Variants in MAD1L1 observed in about 807,000 individuals in gnomAD.
The protein encoded by MAD1L1 is mitotic spindle assembly checkpoint protein MAD1.
Under a neutral mutation model 96.9 loss-of-function variants are expected in MAD1L1, and 95 were observed. The observed-to-expected ratio is 0.98, with a 90% CI of 0.83 to 1.16. The LOEUF (loss-of-function observed/expected upper bound fraction) is 1.16, where lower values mean the gene tolerates loss of function less well. MAD1L1 is among the 50% of genes most tolerant of loss of function. The pLI is 0.00. For missense variants in MAD1L1, 1,007 were observed against 954.4 expected (o/e 1.06, Z -0.73); for synonymous variants, 473 against 396.6 (o/e 1.19, Z -2.29).
intron 11 of MAD1L1, among the ~76,000 whole-genome samples, chr7:2,102,622 C>T (rs1786869142): frequency 6.6e-6 from 1 of 152,072 alleles, no homozygotes; most frequent in Admixed American, 6.5e-5. Context: ...ACGGTCTCCA[C>T]CACCCTCGCA....
At chr7:1,942,993 T>G (rs1468858289) in intron 16 of MAD1L1, among the ~76,000 whole-genome samples, 6 of 152,288 alleles carry the variant, frequency 3.9e-5, no homozygotes, top group African/African-American at 1.4e-4. Flanking sequence ...TGTTAAGTGA[T>G]TCTGAGAAAG....
intron 11 of MAD1L1, among the ~76,000 whole-genome samples, chr7:2,083,176 T>C (rs1181150942): frequency 6.6e-6 from 1 of 151,990 alleles, no homozygotes; most frequent in African/African-American, 2.4e-5. Context: ...AAGGAGAAAA[T>C]GAGATTTTCG....
chr7:2,005,152 C>T (rs1173779162), intron 13 of MAD1L1, among the ~76,000 whole-genome samples: 3 of 152,158 alleles, frequency 2.0e-5, no homozygotes, highest in Non-Finnish European at 4.4e-5. Context: ...CAGACATCGA[C>T]GAGCTGAGTG....
chr7:1,874,884 G>C (rs1785299602), intron 18 of MAD1L1, among the ~76,000 whole-genome samples: 1 of 152,120 alleles, frequency 6.6e-6, no homozygotes, highest in Admixed American at 6.5e-5. Context: ...GCAGCATGGA[G>C]ACCGGCCACA....
Position 1,957,710 on chromosome 7 carries a change from G to C in MAD1L1, c.1515C>G (p.Val505=), listed in dbSNP as rs747221108. The C allele has an allele frequency of 7.7e-5, 125 of 1,613,970 alleles. No homozygotes were observed. The highest frequency in any genetic ancestry group is 2.3e-4 in the African/African-American group (17 of 74,918). Residue 505 remains valine (V), a synonymous_variant, in exon 16 of 19, where the codon GTC becomes GTG. Transcript: ENST00000265854. ...REEADTLRLK[V]EELEGERSRL... ...GACTCCGCTCGCCTTCCAGCTCCTC[G>C]ACCTTCAACCTGCAAGGACAGCAAG... is the stretch of plus-strand genomic sequence containing the variant.
chr7:2,205,337 T>G (rs1218010286), intron 10 of MAD1L1, among the ~76,000 whole-genome samples: 1 of 152,138 alleles, frequency 6.6e-6, no homozygotes, highest in Non-Finnish European at 1.5e-5. Context: ...CCAGACGTTG[T>G]CAGATTCGGA....
intron 18 of MAD1L1, among the ~76,000 whole-genome samples, chr7:1,881,225 G>T (rs139375639): frequency 6.6e-6 from 1 of 152,082 alleles, no homozygotes. Context: ...CTCAAATATG[G>T]GTTTAAATGG....
intron 13 of MAD1L1, among the ~76,000 whole-genome samples, chr7:2,010,523 T>C (rs1782249760): frequency 6.6e-6 from 1 of 152,206 alleles, no homozygotes; most frequent in African/African-American, 2.4e-5. Context: ...AGAGGACTCC[T>C]GACACATGCT....
At chr7:2,158,136 G>C (rs1789929261) in intron 10 of MAD1L1, among the ~76,000 whole-genome samples, 1 of 152,242 alleles carries the variant, frequency 6.6e-6, no homozygotes, top group South Asian at 2.1e-4. Flanking sequence ...TCAAGGGGAA[G>C]AAAGTCTTTT....
chr7:2,182,773 G>A (rs958139990), intron 10 of MAD1L1, among the ~76,000 whole-genome samples: 1 of 152,206 alleles, frequency 6.6e-6, no homozygotes. Context: ...GAGACAAAGA[G>A]CAGAGGAGTG....
In MAD1L1 at chr7:2,088,211, A is replaced by G. The variant is rs1019125105; in HGVS notation, c.1074-18873T>C. Among the ~76,000 whole-genome samples the G allele has an allele frequency of 6.6e-6, 1 of 152,150 alleles. No homozygotes were observed. The highest frequency in any genetic ancestry group is 1.5e-5 in the Non-Finnish European group (1 of 68,028). Reference sequence around the variant, plus strand: ...GCAGCAAAGCGACCTTGGATCACACATCGCGCCTCTTCACGCCTCCTCACA... The same window carrying G: ...GCAGCAAAGCGACCTTGGATCACACGTCGCGCCTCTTCACGCCTCCTCACA... On this transcript the variant is annotated intron_variant, in intron 11 of 18. Transcript: ENST00000265854. This position sits in a 1 kb window ranked among gnomAD's most constrained non-coding sequence, Gnocchi z 4.4.
chr7:1,902,860 G>T (rs1001183247), intron 17 of MAD1L1, among the ~76,000 whole-genome samples: 6 of 149,786 alleles, frequency 4.0e-5, no homozygotes, highest in African/African-American at 1.5e-4. Context: ...CGCTCTTGCG[G>T]AACTCATGAT....
chr7:1,818,592 A>AGGCTGGTCTCAAACTCCTGGCCT (rs57886960), intron 18 of MAD1L1, among the ~76,000 whole-genome samples: 15 of 151,572 alleles, frequency 9.9e-5, no homozygotes, highest in African/African-American at 3.1e-4. Context: ...TATTTTGCCC[A>AGGCTGGTCTCAAACTCCTGGCCT]GGCTGGTCTC....
chr7:2,051,523 G>A (rs774933082), intron 12 of MAD1L1, among the ~76,000 whole-genome samples: 2 of 152,110 alleles, frequency 1.3e-5, no homozygotes, highest in African/African-American at 4.8e-5. Context: ...GTTTCAACGT[G>A]GTATGTTAGA....
intron 18 of MAD1L1, among the ~76,000 whole-genome samples, chr7:1,824,400 A>G (rs1363653193): frequency 6.6e-6 from 1 of 152,188 alleles, no homozygotes; most frequent in African/African-American, 2.4e-5. Context: ...AGACTAACGA[A>G]GTCAGGTGCG....
intron 11 of MAD1L1, among the ~76,000 whole-genome samples, chr7:2,082,610 G>C (rs190384178): frequency 5.6e-4 from 86 of 152,336 alleles, no homozygotes; most frequent in Non-Finnish European, 9.4e-4. Context: ...TGAGGAGATT[G>C]AGCTCTGAGG....
rs1222426949 is a variant in MAD1L1 at position 1,870,672 on chromosome 7, C to T, written c.1998+27528G>A. On this transcript the variant is annotated intron_variant, in intron 18 of 18. Coordinates refer to ENST00000265854, the MANE Select transcript of MAD1L1 (RefSeq NM_001013836.2). ...CATATGCCTGCCACGCTGAACCCACCGTAACACCTGCCACACTGAACCCAA... is the reference window on the plus strand; with the variant it reads ...CATATGCCTGCCACGCTGAACCCACTGTAACACCTGCCACACTGAACCCAA... Among the ~76,000 whole-genome samples the T allele has an allele frequency of 1.6e-3, 219 of 137,830 alleles. 2 individuals are homozygous for T. Among genetic ancestry groups the T allele is most frequent in the Middle Eastern group, 9.2e-3 (2 of 218 alleles). The allele number at this position is 137,830 out of a possible 152,430, so 90.4% of individuals were successfully genotyped here. A position where few individuals can be genotyped will look rare whatever the true frequency, so the allele number is the denominator to read the frequency against.
chr7:1,881,702 C>T (rs921691305), intron 18 of MAD1L1, among the ~76,000 whole-genome samples: 2 of 152,160 alleles, frequency 1.3e-5, no homozygotes, highest in African/African-American at 2.4e-5. Context: ...GAGCAGGAAA[C>T]AAAACGATCT....
intron 12 of MAD1L1, among the ~76,000 whole-genome samples, chr7:2,051,802 C>A (rs1472379269): frequency 6.6e-6 from 1 of 150,528 alleles, no homozygotes; most frequent in Non-Finnish European, 1.5e-5. Flanking sequence ...TGCTGTCCAC[C>A]CCCCAACCCC....
Sources: allele counts gnomAD v4.1 joint callset (sites outside exome capture counted in the v4.1 genomes callset), GRCh38; gene constraint gnomAD v4.1.1; non-coding constraint Gnocchi (gnomAD v3.1); transcripts MANE v1.5; gene names NCBI Gene and HGNC (gene_info 2026-07-23, HGNC 2026-07-21).